Variants in KIF3B observed in about 807,000 individuals in gnomAD.
KIF3B encodes kinesin family member 3B.
In KIF3B, 38 loss-of-function variants were observed where a neutral mutation model predicts 74.3. That is an observed-to-expected ratio of 0.51 (90% confidence interval 0.39 to 0.67). The LOEUF (loss-of-function observed/expected upper bound fraction) is 0.67. Ranked by LOEUF, KIF3B falls within the 30% of genes least tolerant of loss-of-function variation. KIF3B has a pLI of 0.00. For synonymous variants in KIF3B, 326 were observed against 342.5 expected (o/e 0.95, Z 0.53); for missense variants, 649 against 932.0 (o/e 0.70, Z 3.95).
chr20:32,309,219 G>T (rs2047787759), intron 1 of KIF3B, among the ~76,000 whole-genome samples: 1 of 147,366 alleles, frequency 6.8e-6, no homozygotes, highest in Non-Finnish European at 1.5e-5. Flanking sequence ...TTTTTGGAGA[G>T]ATGGGGGCTC....
chr20:32,285,570 G>T (rs959787916), intron 1 of KIF3B, among the ~76,000 whole-genome samples: 2 of 152,158 alleles, frequency 1.3e-5, no homozygotes, highest in African/African-American at 2.4e-5. Context: ...GGTGGGAACT[G>T]GGTAAAGGCA....
rs375081058 is a variant in KIF3B, at chr20:32,309,924, G to A, written c.147G>A (p.Thr49=). 16 of 1,613,996 alleles carry A rather than the reference G, an allele frequency of 9.9e-6. No individual in the cohort carries two copies. The highest frequency in any genetic ancestry group is 5.0e-5 in the Admixed American group (3 of 59,984). Residue 49 remains threonine (T), a synonymous_variant, in exon 2 of 9, where the codon ACG becomes ACA. Coordinates refer to ENST00000375712, the MANE Select transcript of KIF3B (RefSeq NM_004798.4). ...TGTCTGTGAAGAACCCCAAAGGGAC[G>A]GCCCATGAAATGCCCAAGACCTTCA... ...GQVSVKNPKG[T]AHEMPKTFTF...
intron 5 of KIF3B, among the ~76,000 whole-genome samples, chr20:32,319,046 C>T (rs189960782): frequency 3.0e-4 from 46 of 151,964 alleles, no homozygotes; most frequent in Admixed American, 1.1e-3. Flanking sequence ...CTGCAACCTC[C>T]ACCTCCTGGG....
chr20:32,279,484 A>C (rs1199690197), intron 1 of KIF3B, among the ~76,000 whole-genome samples: 1 of 141,028 alleles, frequency 7.1e-6, no homozygotes, highest in African/African-American at 2.7e-5. Context: ...TTTTTTTTTG[A>C]GACGGAGTTT....
chr20:32,310,606 A>G lies in KIF3B; in HGVS notation c.829A>G (p.Asn277Asp). Residue 277 changes from asparagine to aspartate, a missense_variant, in exon 2 of 9, where the codon AAT (asparagine) becomes GAT (aspartate). Physicochemically the swap from Asn to Asp is conservative, Grantham distance 23. Coordinates refer to ENST00000375712, the MANE Select transcript of KIF3B (RefSeq NM_004798.4). The surrounding 1 kb of genome is among the most constrained non-coding windows in gnomAD (Gnocchi z 6.5). ...KINLSLSALG[N>D]VISALVDGKS... Reference sequence around the variant, plus strand: ...CAACCTCTCCCTTTCCGCTTTGGGTAATGTCATCTCTGCTCTAGTGGACGG... The same window carrying G: ...CAACCTCTCCCTTTCCGCTTTGGGTGATGTCATCTCTGCTCTAGTGGACGG... 6.2e-7 allele frequency: 1 copy of G among 1,614,084 alleles called. No homozygotes were observed. The highest frequency in any genetic ancestry group is 8.5e-7 in the Non-Finnish European group (1 of 1,180,010).
At chr20:32,325,655 CTTTTTTTTTTTT>C (rs1164604181) in intron 5 of KIF3B, among the ~76,000 whole-genome samples, 344 of 51,142 alleles carry the variant, frequency 6.7e-3, no homozygotes, top group Middle Eastern at 0.019. Context: ...CTCTCTCTCT[CTTTTTTTTTTTT>C]TTTTTTTTTT....
intron 1 of KIF3B, among the ~76,000 whole-genome samples, chr20:32,307,346 G>A (rs2047776573): frequency 1.3e-5 from 2 of 152,016 alleles, no homozygotes; most frequent in African/African-American, 4.8e-5. Context: ...ACATATCTTG[G>A]TATAGGATTA....
chr20:32,313,140 TG>T (rs1296579400), intron 2 of KIF3B, among the ~76,000 whole-genome samples: 1 of 152,202 alleles, frequency 6.6e-6, no homozygotes, highest in East Asian at 1.9e-4. Flanking sequence ...GTTAGCATTC[TG>T]GAGTGCTGAG....
In KIF3B at chr20:32,310,543, G is replaced by T. The variant is rs771476770; in HGVS notation, c.766G>T (p.Gly256Cys). ...LAGSERQAKTGAQGERLKEAT... is the reference protein window; with the variant it reads ...LAGSERQAKTCAQGERLKEAT... ...TGGCAGCGAACGGCAAGCCAAGACCGGCGCACAAGGGGAGAGATTAAAAGA... is the reference window on the plus strand; with the variant it reads ...TGGCAGCGAACGGCAAGCCAAGACCTGCGCACAAGGGGAGAGATTAAAAGA... The change falls in exon 2 of 9, where the codon GGC becomes TGC. Residue 256 changes from glycine (G) to cysteine (C), a missense_variant. Physicochemically the swap from Gly to Cys is radical, Grantham distance 159. Coordinates refer to ENST00000375712, the MANE Select transcript of KIF3B (RefSeq NM_004798.4). This position sits in a 1 kb window ranked among gnomAD's most constrained non-coding sequence, Gnocchi z 6.5. The T allele has an allele frequency of 1.9e-6, 3 of 1,613,990 alleles. No homozygotes were observed. The highest frequency in any genetic ancestry group is 2.2e-5 in the South Asian group (2 of 91,078).
rs2047932842 is a variant in KIF3B, at chr20:32,332,005, T to G, written c.*686T>G. The stretch of plus-strand genomic sequence containing the variant: ...CAATAGAAATAACATTCCCTTTGCC[T>G]TCTCTGAGTGTTTAGGGAAATAGCT... On this transcript the variant is annotated 3_prime_UTR_variant, in exon 9 of 9. Transcript: ENST00000375712. The G allele has an allele frequency of 6.5e-6, 1 of 152,720 alleles. No homozygotes were observed. Among genetic ancestry groups the G allele is most frequent in the Non-Finnish European group, 1.5e-5 (1 of 68,096 alleles). The allele number at this position is 152,720 out of a possible 1,614,324, so 9.5% of individuals were successfully genotyped here.
intron 1 of KIF3B, among the ~76,000 whole-genome samples, chr20:32,299,439 C>CTTGCT (rs994392896): frequency 1.6e-5 from 1 of 61,484 alleles, no homozygotes; most frequent in Non-Finnish European, 3.0e-5. Context: ...GAGACAGAGT[C>CTTGCT]TTGCTTTATC....
chr20:32,300,697 A>C (rs963250837), intron 1 of KIF3B, among the ~76,000 whole-genome samples: 1 of 152,140 alleles, frequency 6.6e-6, no homozygotes, highest in African/African-American at 2.4e-5. Flanking sequence ...TACAGGTGTG[A>C]GCCACTGCAT....
intron 7 of KIF3B, 138 bp downstream of exon 7, chr20:32,327,799 A>G (rs1569211281): frequency 5.5e-6 from 3 of 543,324 alleles, no homozygotes; most frequent in Non-Finnish European, 9.8e-6. Context: ...TAACAATTAT[A>G]ACAAATAATA....
intron 1 of KIF3B, among the ~76,000 whole-genome samples, chr20:32,293,717 T>G (rs1157224676): frequency 6.6e-6 from 1 of 152,154 alleles, no homozygotes; most frequent in Non-Finnish European, 1.5e-5. Flanking sequence ...ATACTGCTAC[T>G]TGAGTTAAAA....
chr20:32,322,758 TTA>T (rs1307334079), intron 5 of KIF3B, among the ~76,000 whole-genome samples: 9 of 42,644 alleles, frequency 2.1e-4, no homozygotes, highest in African/African-American at 1.1e-3. Flanking sequence ...ATATATATAT[TTA>T]TATATATTTA....
rs1190203917 is a variant in KIF3B, at chr20:32,333,920, T to C, written c.*2601T>C. 6.6e-6 allele frequency: 1 copy of C among 152,560 alleles called. No homozygotes were observed. The highest frequency in any genetic ancestry group is 2.4e-5 in the African/African-American group (1 of 41,420). 9.5% of individuals were successfully genotyped at this position (152,560 alleles called of 1,614,324 possible). On this transcript the variant is annotated 3_prime_UTR_variant, in exon 9 of 9. Coordinates refer to ENST00000375712, the MANE Select transcript of KIF3B (RefSeq NM_004798.4). ...CTCTCAAAATGGATCCGATAAATAT[T>C]TGAATAGAGCAGATTGTAGAATGTC...
intron 1 of KIF3B, among the ~76,000 whole-genome samples, chr20:32,307,495 T>A (rs2047777483): frequency 6.6e-6 from 1 of 152,162 alleles, no homozygotes; most frequent in Admixed American, 6.6e-5. Context: ...TCCTTATGTA[T>A]ATGTCATTGT....
At chr20:32,292,316 G>C (rs953124150) in intron 1 of KIF3B, among the ~76,000 whole-genome samples, 1 of 152,030 alleles carries the variant, frequency 6.6e-6, no homozygotes, top group Non-Finnish European at 1.5e-5. Flanking sequence ...CACCATGGTG[G>C]CTGGTATTAC....
intron 5 of KIF3B, among the ~76,000 whole-genome samples, chr20:32,325,521 A>G (rs530775746): frequency 4.0e-4 from 61 of 152,086 alleles, no homozygotes; most frequent in Admixed American, 3.7e-3. Flanking sequence ...AATAAATAGA[A>G]TCATTGTAAC....
Sources: gnomAD v4.1 joint callset for allele counts (sites outside exome capture counted in the v4.1 genomes callset) on GRCh38, gnomAD v4.1.1 for gene constraint, Gnocchi (gnomAD v3.1) non-coding constraint, MANE v1.5 for transcripts, NCBI Gene and HGNC (gene_info 2026-07-23, HGNC 2026-07-21) for gene names.